Variants in RASAL2 observed in about 807,000 individuals in gnomAD.
RASAL2 encodes RAS protein activator like 2, also known as ras GTPase-activating protein nGAP.
Under a neutral mutation model 128.9 loss-of-function variants are expected in RASAL2, and 58 were observed. The observed-to-expected ratio is 0.45, with a 90% CI of 0.36 to 0.56. The LOEUF is 0.56. Ranked by LOEUF, RASAL2 falls within the 20% of genes least tolerant of loss-of-function variation. The pLI is 0.00. For synonymous variants in RASAL2, 561 were observed against 580.8 expected, an observed-to-expected ratio of 0.97 and a Z score of 0.49; for missense variants, 1,360 against 1,601.6, an observed-to-expected ratio of 0.85 and a Z score of 2.57.
chr1:178,372,139 A>G (rs1430750986), intron 3 of RASAL2: 4 of 982,976 alleles, frequency 4.1e-6, no homozygotes, highest in East Asian at 1.1e-4. Context: ...CTAGCCAGCA[A>G]TTTAAGTGTT....
chr1:178,296,024 A>G (rs961696687), intron 2 of RASAL2, among the ~76,000 whole-genome samples: 2 of 152,052 alleles, frequency 1.3e-5, no homozygotes, highest in African/African-American at 4.8e-5. Flanking sequence ...GCAGTTTTAC[A>G]GAAAATATGT....
In RASAL2 at chr1:178,175,484, C is replaced by T. The variant is rs1466629471; in HGVS notation, c.202+80790C>T. ...TGTGTGTGTGTGTGATAACTATGCC[C>T]TTTTTTCACCAATTAAACGTACTTA... On this transcript the variant is annotated intron_variant, in intron 1 of 17. Transcript: ENST00000367649. Among the ~76,000 whole-genome samples the T allele has an allele frequency of 4.0e-5, 5 of 125,168 alleles. No individual in the cohort carries two copies. In the East Asian group the frequency reaches 9.7e-4, roughly 24 times the overall value. The allele number at this position is 125,168 out of a possible 152,430, so 82.1% of individuals were successfully genotyped here.
At chr1:178,416,879 T>C (rs1257529276) in intron 4 of RASAL2, among the ~76,000 whole-genome samples, 1 of 152,042 alleles carries the variant, frequency 6.6e-6, no homozygotes, top group Non-Finnish European at 1.5e-5. Context: ...GTTTTTTCCT[T>C]CTGGCTTCTT....
At chr1:178,248,578 T>A (rs1664890493) in intron 1 of RASAL2, among the ~76,000 whole-genome samples, 1 of 152,224 alleles carries the variant, frequency 6.6e-6, no homozygotes, top group Admixed American at 6.5e-5. Context: ...GTGAATTTGA[T>A]CCTGTCATCA....
intron 3 of RASAL2, among the ~76,000 whole-genome samples, chr1:178,354,413 C>T: frequency 6.6e-6 from 1 of 152,166 alleles, no homozygotes; most frequent in Admixed American, 6.5e-5. Flanking sequence ...GAAAAGCTTT[C>T]CCTTTTAGAT....
rs553611675 is a variant in RASAL2, at chr1:178,187,944, TTTACTC to T, written c.202+93256_202+93261del. 1.6e-3 allele frequency among the ~76,000 whole-genome samples: 248 copies of T among 152,184 alleles called. 1 individual carries two copies. The highest frequency in any genetic ancestry group is 5.8e-3 in the African/African-American group (242 of 41,530). On this transcript the variant is annotated intron_variant, in intron 1 of 17. Transcript: ENST00000367649. Reference sequence around the variant, plus strand: ...AGTATGCTTTTTTTTCTAGGACTAATTTACTCTTACTATTAATACCAATGTGTAACC... The same window carrying T: ...AGTATGCTTTTTTTTCTAGGACTAATTTACTATTAATACCAATGTGTAACC...
At chr1:178,386,708 A>G (rs1353473286) in intron 3 of RASAL2, among the ~76,000 whole-genome samples, 1 of 152,228 alleles carries the variant, frequency 6.6e-6, no homozygotes, top group Non-Finnish European at 1.5e-5. Flanking sequence ...CTCTTGTCTC[A>G]TCAGTCTCAG....
At chr1:178,121,215 C>T (rs1292483774) in intron 1 of RASAL2, 2 of 152,172 alleles carry the variant, frequency 1.3e-5, no homozygotes, top group African/African-American at 2.4e-5. Context: ...TTTCTTATCT[C>T]TTGTTCCAGT....
At chr1:178,148,891 AC>A (rs1421178076) in intron 1 of RASAL2, among the ~76,000 whole-genome samples, 2 of 152,000 alleles carry the variant, frequency 1.3e-5, no homozygotes, top group African/African-American at 4.8e-5. Context: ...AATTTTGTAA[AC>A]TGTTTTGTTT....
intron 3 of RASAL2, among the ~76,000 whole-genome samples, chr1:178,342,053 C>T (rs1669910952): frequency 6.6e-6 from 1 of 152,162 alleles, no homozygotes; most frequent in African/African-American, 2.4e-5. Flanking sequence ...ATCTCAGTAA[C>T]ACATAATCTG....
At chr1:178,239,528 A>G (rs530705614) in intron 1 of RASAL2, among the ~76,000 whole-genome samples, 1 of 152,224 alleles carries the variant, frequency 6.6e-6, no homozygotes, top group Admixed American at 6.5e-5. Context: ...ACTGGTACTT[A>G]GTGATTCTAT....
intron 1 of RASAL2, among the ~76,000 whole-genome samples, chr1:178,130,162 A>AAGAT (rs1418511639): frequency 3.6e-4 from 55 of 152,290 alleles, no homozygotes; most frequent in African/African-American, 1.3e-3. Context: ...ATAATGTCTC[A>AAGAT]AACTTGATTT....
intron 1 of RASAL2, among the ~76,000 whole-genome samples, chr1:178,148,887 G>A (rs1660817603): frequency 6.6e-6 from 1 of 151,722 alleles, no homozygotes; most frequent in Admixed American, 6.6e-5. Context: ...TTGTAATTTT[G>A]TAAACTGTTT....
In RASAL2 at chr1:178,133,016, C is replaced by T. The variant is rs1298825387; in HGVS notation, c.202+38322C>T. 3.9e-5 allele frequency among the ~76,000 whole-genome samples: 6 copies of T among 152,026 alleles called. No homozygotes were observed. The East Asian group carries it at 5.8e-4, about 15-fold the overall frequency. ...CTGACCTCAGGTGATCCACCCGCCTCGGCCTCCCAAAGTGCTGGGATTACA... is the reference window on the plus strand; with the variant it reads ...CTGACCTCAGGTGATCCACCCGCCTTGGCCTCCCAAAGTGCTGGGATTACA... On this transcript the variant is annotated intron_variant, in intron 1 of 17. Coordinates refer to ENST00000367649, the MANE Select transcript of RASAL2 (RefSeq NM_170692.4).
chr1:178,272,164 T>C (rs1001372970), intron 1 of RASAL2, among the ~76,000 whole-genome samples: 17 of 152,220 alleles, frequency 1.1e-4, no homozygotes, highest in African/African-American at 4.1e-4. Context: ...GTCCAGTCAC[T>C]AGATCCGTCT....
chr1:178,271,251 C>T (rs1047020991), intron 1 of RASAL2, among the ~76,000 whole-genome samples: 1 of 152,146 alleles, frequency 6.6e-6, no homozygotes, highest in African/African-American at 2.4e-5. Flanking sequence ...ACCTAGGATT[C>T]TGTTACTCAG....
At position 178,477,416 on chromosome 1, in the gene RASAL2, A is replaced by G. The variant is rs933771509; in HGVS notation, c.*4177A>G. ...TAGTTCTAGAAGCATTCTCTTTGTC[A>G]TGACCCGATTATGTATACTCTTGGG... On this transcript the variant is annotated 3_prime_UTR_variant, in exon 18 of 18. Coordinates refer to ENST00000367649, the MANE Select transcript of RASAL2 (RefSeq NM_170692.4). 18 of 152,198 alleles carry G rather than the reference A, an allele frequency of 1.2e-4. No homozygotes were observed. Among genetic ancestry groups the G allele is most frequent in the African/African-American group, 4.3e-4 (18 of 41,462 alleles). 9.4% of individuals were successfully genotyped at this position (152,198 alleles called of 1,614,324 possible).
At chr1:178,229,964 G>A (rs1011567554) in intron 1 of RASAL2, among the ~76,000 whole-genome samples, 1 of 152,010 alleles carries the variant, frequency 6.6e-6, no homozygotes, top group Non-Finnish European at 1.5e-5. Context: ...TAATAATAAT[G>A]CCATCTACCA....
chr1:178,273,715 T>C (rs1355582593), intron 1 of RASAL2, among the ~76,000 whole-genome samples: 1 of 152,210 alleles, frequency 6.6e-6, no homozygotes, highest in Non-Finnish European at 1.5e-5. Flanking sequence ...CCAATGCATT[T>C]TCAGGAATGG....
Sources: allele counts gnomAD v4.1 joint callset (sites outside exome capture counted in the v4.1 genomes callset), GRCh38; gene constraint gnomAD v4.1.1; transcripts MANE v1.5; gene names NCBI Gene and HGNC (gene_info 2026-07-23, HGNC 2026-07-21).